Variants in RGS7 observed in about 807,000 individuals in gnomAD.
RGS7 encodes the protein regulator of G protein signaling 7.
RGS7 carries 27 observed loss-of-function variants against 81.1 expected under a neutral mutation model. The ratio of observed to expected loss-of-function variants is 0.33; its 90% CI spans 0.25 to 0.46. The LOEUF is 0.46. Among genes scored for constraint, RGS7 ranks in the 20% least tolerant of loss-of-function variants. RGS7 has a pLI of 1.00. For missense variants in RGS7, 396 were observed against 607.4 expected, an observed-to-expected ratio of 0.65 and a Z score of 3.66; for synonymous variants, 208 against 207.7, an observed-to-expected ratio of 1.00 and a Z score of -0.01.
chr1:240,825,873 G>A (rs1023071538), intron 10 of RGS7, among the ~76,000 whole-genome samples: 1 of 152,186 alleles, frequency 6.6e-6, no homozygotes, highest in Non-Finnish European at 1.5e-5. Flanking sequence ...TAATCCATAT[G>A]CATTCTCTTC....
intron 4 of RGS7, among the ~76,000 whole-genome samples, chr1:240,964,881 G>A (rs898562851): frequency 2.0e-5 from 3 of 152,054 alleles, no homozygotes; most frequent in African/African-American, 4.8e-5. Flanking sequence ...TGTCTTTCCC[G>A]ACACTCCATT....
chr1:241,176,866 C>T (rs936088823), intron 2 of RGS7, among the ~76,000 whole-genome samples: 2 of 152,088 alleles, frequency 1.3e-5, no homozygotes, highest in Admixed American at 6.6e-5. Flanking sequence ...TGAGGTTGGA[C>T]GTGAGGCACT....
At chr1:241,254,198 CAAAAAAAAA>C (rs57205542) in intron 2 of RGS7, among the ~76,000 whole-genome samples, 23 of 64,364 alleles carry the variant, frequency 3.6e-4, no homozygotes, top group Non-Finnish European at 5.1e-4. Flanking sequence ...GACTCCATCT[CAAAAAAAAA>C]AAAAAAAAAG....
chr1:241,203,448 T>TCTCGATCTC (rs561660063), intron 2 of RGS7, among the ~76,000 whole-genome samples: 133 of 152,228 alleles, frequency 8.7e-4, no homozygotes, highest in African/African-American at 3.1e-3. Flanking sequence ...GTCAGGATGG[T>TCTCGATCTC]CTCGATCTCC....
intron 5 of RGS7, among the ~76,000 whole-genome samples, chr1:240,932,276 T>A (rs261861): frequency 1.3e-5 from 2 of 151,924 alleles, no homozygotes; most frequent in South Asian, 4.2e-4. Flanking sequence ...AGTAGTTTTG[T>A]GAACATGAGA....
intron 4 of RGS7, among the ~76,000 whole-genome samples, chr1:240,974,997 G>A (rs527972465): frequency 6.6e-6 from 1 of 152,182 alleles, no homozygotes; most frequent in East Asian, 1.9e-4. Context: ...TGTCTGCAAA[G>A]CTCATGACCC....
intron 2 of RGS7, among the ~76,000 whole-genome samples, chr1:241,312,921 AATG>A (rs1437258924): frequency 6.6e-6 from 1 of 152,220 alleles, no homozygotes; most frequent in Non-Finnish European, 1.5e-5. Flanking sequence ...TGAACACACG[AATG>A]ATAAGAGAGT....
At chr1:240,789,990 T>C (rs1685711315) in intron 18 of RGS7, among the ~76,000 whole-genome samples, 1 of 152,200 alleles carries the variant, frequency 6.6e-6, no homozygotes, top group Non-Finnish European at 1.5e-5. Flanking sequence ...CACCCAGCTT[T>C]AAAATTTCTC....
At chr1:241,203,965 C>T (rs1344710217) in intron 2 of RGS7, among the ~76,000 whole-genome samples, 2 of 152,108 alleles carry the variant, frequency 1.3e-5, no homozygotes, top group Admixed American at 1.3e-4. Flanking sequence ...GAAATGATAA[C>T]CTGAAGGTCA....
At chr1:240,931,614 AAAAT>A (rs1675458539) in intron 5 of RGS7, among the ~76,000 whole-genome samples, 1 of 152,160 alleles carries the variant, frequency 6.6e-6, no homozygotes, top group African/African-American at 2.4e-5. Context: ...AAACCTACAA[AAAAT>A]AAATAAAAAT....
At chr1:241,006,495 T>C (rs1459483730) in intron 3 of RGS7, among the ~76,000 whole-genome samples, 1 of 152,162 alleles carries the variant, frequency 6.6e-6, no homozygotes, top group Non-Finnish European at 1.5e-5. Flanking sequence ...AAGAAATATA[T>C]ATAAATAATC....
chr1:241,216,954 T>C (rs1334068574), intron 2 of RGS7, among the ~76,000 whole-genome samples: 1 of 152,236 alleles, frequency 6.6e-6, no homozygotes, highest in Non-Finnish European at 1.5e-5. Flanking sequence ...CTTAGTTATT[T>C]GAGCCATTTC....
intron 18 of RGS7, among the ~76,000 whole-genome samples, chr1:240,788,924 G>A (rs1214475562): frequency 6.6e-6 from 1 of 152,130 alleles, no homozygotes. Flanking sequence ...GATCACTTGA[G>A]GTCAGGCATT....
chr1:240,917,055 C>T (rs1332145191), intron 6 of RGS7, among the ~76,000 whole-genome samples: 1 of 152,096 alleles, frequency 6.6e-6, no homozygotes, highest in African/African-American at 2.4e-5. Context: ...AAAATAACTG[C>T]TTTGAATTTC....
chr1:241,041,122 C>T (rs1056248010), intron 3 of RGS7, among the ~76,000 whole-genome samples: 1 of 152,028 alleles, frequency 6.6e-6, no homozygotes, highest in Non-Finnish European at 1.5e-5. Flanking sequence ...CTGATTATTA[C>T]CTTTTGAAAA....
intron 6 of RGS7, among the ~76,000 whole-genome samples, chr1:240,924,986 A>G (rs976816788): frequency 3.3e-5 from 5 of 152,170 alleles, no homozygotes; most frequent in Non-Finnish European, 7.3e-5. Flanking sequence ...AAGTAAGTAC[A>G]GGGGAGGCTC....
chr1:240,782,941 TAGAG>T (rs1394341669), intron 18 of RGS7, among the ~76,000 whole-genome samples: 4 of 152,332 alleles, frequency 2.6e-5, no homozygotes, highest in Admixed American at 2.6e-4. Flanking sequence ...AACAAATCTA[TAGAG>T]AAAGACAAAT....
intron 2 of RGS7, among the ~76,000 whole-genome samples, chr1:241,136,049 T>C (rs1035791909): frequency 1.3e-5 from 2 of 152,004 alleles, no homozygotes; most frequent in Non-Finnish European, 2.9e-5. Context: ...TAAAAGACAG[T>C]GTTACAAACA....
intron 2 of RGS7, among the ~76,000 whole-genome samples, chr1:241,184,916 T>C (rs375902033): frequency 6.6e-6 from 1 of 152,206 alleles, no homozygotes; most frequent in East Asian, 1.9e-4. Flanking sequence ...CAGCAGTTCA[T>C]AGAAGTTTGA....
Sources: gnomAD v4.1 joint callset for allele counts (sites outside exome capture counted in the v4.1 genomes callset) on GRCh38, gnomAD v4.1.1 for gene constraint, MANE v1.5 for transcripts, NCBI Gene and HGNC (gene_info 2026-07-23, HGNC 2026-07-21) for gene names.